CEP57L1: variants seen among roughly 807,000 people sequenced by gnomAD.
The protein encoded by CEP57L1 is centrosomal protein 57 like 1.
In CEP57L1, 37 loss-of-function variants were observed where a neutral mutation model predicts 61.0. The ratio of observed to expected loss-of-function variants is 0.61; its 90% confidence interval spans 0.47 to 0.80. CEP57L1 has a LOEUF of 0.80. Among genes scored for constraint, CEP57L1 ranks in the 30% least tolerant of loss-of-function variants. The pLI is 0.00. For missense variants in CEP57L1, 422 were observed against 524.7 expected, an observed-to-expected ratio of 0.80 and a Z score of 1.91; for synonymous variants, 137 against 162.3, an observed-to-expected ratio of 0.84 and a Z score of 1.19.
intron 1 of CEP57L1, among the ~76,000 whole-genome samples, chr6:109,109,808 C>G (rs528510933): frequency 6.6e-6 from 1 of 152,172 alleles, no homozygotes; most frequent in South Asian, 2.1e-4. Flanking sequence ...TCTGTTCTTG[C>G]GTTAGTTTGC....
Position 109,162,939 on chromosome 6 carries a change from T to C in CEP57L1, c.1352T>C (p.Leu451Ser), listed in dbSNP as rs772425754. 6.2e-7 allele frequency: 1 copy of C among 1,612,224 alleles called. No individual in the cohort carries two copies. Among genetic ancestry groups the C allele is most frequent in the Non-Finnish European group, 8.5e-7 (1 of 1,178,868 alleles). ...PIRVHNLQMK[L>S]RRDDIMWEQ ...CGAGTTCATAATCTTCAAATGAAAT[T>C]GAGAAGAGATGATATCATGTGGGAA... is the stretch of plus-strand genomic sequence containing the variant. The change falls in exon 11 of 11, where the codon TTG (leucine) becomes TCG (serine). Residue 451 changes from leucine to serine, a missense_variant. By Grantham distance (145) the Leu-to-Ser change is moderately radical. Coordinates refer to ENST00000517392, the MANE Select transcript of CEP57L1 (RefSeq NM_001271852.3).
In CEP57L1 at chr6:109,172,621, A is replaced by G. The variant is rs1273924339; in HGVS notation, c.*9651A>G. Among the ~76,000 whole-genome samples, 1 of 152,154 alleles carries G rather than the reference A, an allele frequency of 6.6e-6. No individual in the cohort carries two copies. The highest frequency in any genetic ancestry group is 1.5e-5 in the Non-Finnish European group (1 of 68,022). On this transcript the variant is annotated 3_prime_UTR_variant, in exon 11 of 11. Transcript: ENST00000517392. ...GTTTTCTGACCCAAAAGTGATGTGC[A>G]TTGCTTACCTATCATGGCCTCTGGT...
rs555029827 is a variant in CEP57L1 at position 109,171,437 on chromosome 6, G to T, written c.*8467G>T. Reference sequence around the variant, plus strand: ...TTTTCGCATTTTTAATAGAAACGGGGTTTCACCGTGTTAGCCAGGCTGGTC... The same window carrying T: ...TTTTCGCATTTTTAATAGAAACGGGTTTTCACCGTGTTAGCCAGGCTGGTC... On this transcript the variant is annotated 3_prime_UTR_variant, in exon 11 of 11. Transcript: ENST00000517392. Among the ~76,000 whole-genome samples, 7 of 151,768 alleles carry T rather than the reference G, an allele frequency of 4.6e-5. No homozygotes were observed. The South Asian group carries it at 1.5e-3, about 32-fold the overall frequency.
Position 109,129,177 on chromosome 6 carries a change from G to A in CEP57L1, c.-3-16042G>A, listed in dbSNP as rs1341657710. 5 of 219,580 alleles carry A rather than the reference G, an allele frequency of 2.3e-5. No individual in the cohort carries two copies. In the Admixed American group the frequency reaches 2.5e-4, roughly 11 times the overall value. The allele number at this position is 219,580 out of a possible 1,614,324, so 13.6% of individuals were successfully genotyped here. On this transcript the variant is annotated intron_variant, in intron 1 of 10. Coordinates refer to ENST00000517392, the MANE Select transcript of CEP57L1 (RefSeq NM_001271852.3). ...ATCGCACCACTGCACTCCAGCCTGG[G>A]CGACAGAGAGAGACTCCATCTCTAA...
intron 7 of CEP57L1, 134 bp from the exon 8 acceptor site, chr6:109,158,891 C>A: frequency 1.3e-6 from 1 of 759,722 alleles, no homozygotes; most frequent in Non-Finnish European, 2.2e-6. Flanking sequence ...ATGTCTATGT[C>A]AGTGAAATTT....
At position 109,127,870 on chromosome 6, in the gene CEP57L1, C is replaced by T. The variant is rs192753010; in HGVS notation, c.-3-17349C>T. On this transcript the variant is annotated intron_variant, in intron 1 of 10. Coordinates refer to ENST00000517392, the MANE Select transcript of CEP57L1 (RefSeq NM_001271852.3). ...GTCTCAATCTGCTGACCTCGTGATCCGCCCGCCTCGGCCTCCCAAAGTGCT... is the reference window on the plus strand; with the variant it reads ...GTCTCAATCTGCTGACCTCGTGATCTGCCCGCCTCGGCCTCCCAAAGTGCT... 8.8e-3 allele frequency among the ~76,000 whole-genome samples: 1,343 copies of T among 151,964 alleles called. 25 individuals are homozygous for T. The highest frequency in any genetic ancestry group is 0.031 in the African/African-American group (1,278 of 41,444).
intron 1 of CEP57L1, among the ~76,000 whole-genome samples, chr6:109,101,802 G>C (rs1404988320): frequency 6.6e-6 from 1 of 151,588 alleles, no homozygotes; most frequent in Non-Finnish European, 1.5e-5. Flanking sequence ...TGTATTTTTA[G>C]TAGAGACGGG....
At position 109,163,078 on chromosome 6, in the gene CEP57L1, G is replaced by C. The variant is rs369252543; in HGVS notation, c.*108G>C. On this transcript the variant is annotated 3_prime_UTR_variant, in exon 11 of 11. Transcript: ENST00000517392. ...TGTGACATTTTGAATCATGTTTCTA[G>C]TTTCTATAAAACATGAAGTTGCAGT... 63 of 730,118 alleles carry C rather than the reference G, an allele frequency of 8.6e-5. No homozygotes were observed. The African/African-American group carries it at 9.9e-4, about 11-fold the overall frequency. The allele number at this position is 730,118 out of a possible 1,614,324, so 45.2% of individuals were successfully genotyped here. A position where few individuals can be genotyped will look rare whatever the true frequency, so the allele number is the denominator to read the frequency against.
chr6:109,102,104 G>T (rs1385560746), intron 1 of CEP57L1, among the ~76,000 whole-genome samples: 1 of 152,190 alleles, frequency 6.6e-6, no homozygotes, highest in Non-Finnish European at 1.5e-5. Context: ...CATATGTTGA[G>T]CATCTTTTCA....
chr6:109,146,710 T>A (rs757072852), intron 2 of CEP57L1, 48 bp from the exon 3 acceptor site: 1 of 1,234,238 alleles, frequency 8.1e-7, no homozygotes, highest in African/African-American at 1.6e-5. Flanking sequence ...TGATTGTAAG[T>A]GTTCAGAAAC....
At chr6:109,140,532 T>G (rs974318831) in intron 1 of CEP57L1, 3 of 151,416 alleles carry the variant, frequency 2.0e-5, no homozygotes, top group Admixed American at 2.0e-4. Flanking sequence ...CCCGAGTAGC[T>G]GGGTCTACAG....
In CEP57L1 at chr6:109,138,587, T is replaced by C. The variant is rs1770995960; in HGVS notation, c.-3-6632T>C. 2.6e-5 allele frequency among the ~76,000 whole-genome samples: 4 copies of C among 152,238 alleles called. No individual in the cohort carries two copies. In the South Asian group the frequency reaches 8.3e-4, roughly 32 times the overall value. ...GAGGTCCTTGACATATCCTGTTCAA[T>C]TGCTTTCCAGAAAAGTGTTATTGGT... On this transcript the variant is annotated intron_variant, in intron 1 of 10. Coordinates refer to ENST00000517392, the MANE Select transcript of CEP57L1 (RefSeq NM_001271852.3).
intron 1 of CEP57L1, among the ~76,000 whole-genome samples, chr6:109,123,093 G>A (rs374987421): frequency 1.3e-5 from 2 of 152,024 alleles, no homozygotes; most frequent in Non-Finnish European, 2.9e-5. Context: ...AATTCTCAGG[G>A]TATTCTTACC....
intron 4 of CEP57L1, among the ~76,000 whole-genome samples, chr6:109,153,435 G>A (rs941632520): frequency 6.6e-6 from 1 of 151,302 alleles, no homozygotes; most frequent in African/African-American, 2.4e-5. Flanking sequence ...TTGTAGAGGA[G>A]GGGTCCCGTT....
rs1174342933 is a variant in CEP57L1 at position 109,167,515 on chromosome 6, C to G, written c.*4545C>G. ...TGGCCAATGTAGTGAAACCCTGTCT[C>G]TACTAAAAATAAAAAAAAATTAGCT... On this transcript the variant is annotated 3_prime_UTR_variant, in exon 11 of 11. Transcript: ENST00000517392. Among the ~76,000 whole-genome samples, 1 of 151,826 alleles carries G rather than the reference C, an allele frequency of 6.6e-6. No individual in the cohort carries two copies. Among genetic ancestry groups the G allele is most frequent in the Non-Finnish European group, 1.5e-5 (1 of 67,952 alleles).
rs558273907 is a variant in CEP57L1 at position 109,173,982 on chromosome 6, C to T, written c.*11012C>T. Among the ~76,000 whole-genome samples the T allele has an allele frequency of 3.2e-4, 48 of 151,310 alleles. No homozygotes were observed. Among genetic ancestry groups the T allele is most frequent in the African/African-American group, 1.1e-3 (46 of 41,258 alleles). On this transcript the variant is annotated 3_prime_UTR_variant, in exon 11 of 11. Coordinates refer to ENST00000517392, the MANE Select transcript of CEP57L1 (RefSeq NM_001271852.3). ...GGGTGTGGTGGCATGCACCTGTAGT[C>T]TCAGCTACTCATCAGGCTGAGGCAG... is the stretch of plus-strand genomic sequence containing the variant.
chr6:109,124,353 A>G (rs545391723), intron 1 of CEP57L1, among the ~76,000 whole-genome samples: 2 of 152,310 alleles, frequency 1.3e-5, no homozygotes, highest in East Asian at 3.9e-4. Flanking sequence ...TTCCAGCTTT[A>G]GTAAATCACT....
In CEP57L1 at chr6:109,150,220, A is replaced by T. The variant is rs755474634; in HGVS notation, c.443A>T (p.Asn148Ile). 6.2e-7 allele frequency: 1 copy of T among 1,602,408 alleles called. No individual in the cohort carries two copies. Among genetic ancestry groups the T allele is most frequent in the South Asian group, 1.1e-5 (1 of 90,820 alleles). ...GTTCTCAACGTAGAGCGAGAAAAGAACATGATCCTAGAACAACAGGTGAGC... is the reference window on the plus strand; with the variant it reads ...GTTCTCAACGTAGAGCGAGAAAAGATCATGATCCTAGAACAACAGGTGAGC... ...RMVLNVEREK[N>I]MILEQQAQLQ... The change falls in exon 4 of 11, where the codon AAC becomes ATC. Residue 148 changes from asparagine to isoleucine, a missense_variant. Transcript: ENST00000517392.
At chr6:109,120,704 A>G (rs2114694116) in intron 1 of CEP57L1, among the ~76,000 whole-genome samples, 1 of 152,280 alleles carries the variant, frequency 6.6e-6, no homozygotes, top group South Asian at 2.1e-4. Flanking sequence ...CCCAAGAATT[A>G]CTAAGTAGGT....
Sources: gnomAD v4.1 joint callset for allele counts (sites outside exome capture counted in the v4.1 genomes callset) on GRCh38, gnomAD v4.1.1 for gene constraint, MANE v1.5 for transcripts, NCBI Gene and HGNC (gene_info 2026-07-23, HGNC 2026-07-21) for gene names.